The following CTNNA3 variants were observed in gnomAD, a reference collection of about 807,000 sequenced individuals.
CTNNA3 encodes the protein catenin alpha 3.
Under a neutral mutation model 95.7 loss-of-function variants are expected in CTNNA3, and 76 were observed. The observed-to-expected ratio is 0.79, with a 90% CI of 0.66 to 0.96. The LOEUF (loss-of-function observed/expected upper bound fraction) is 0.96, where lower values mean the gene tolerates loss of function less well. Ranked by LOEUF, CTNNA3 falls within the 40% of genes least tolerant of loss-of-function variation. The pLI, the probability that CTNNA3 is intolerant of heterozygous loss-of-function variation, is 0.00. For synonymous variants in CTNNA3, 431 were observed against 374.4 expected (o/e 1.15, Z -1.74); for missense variants, 1,191 against 1,089.8 (o/e 1.09, Z -1.31).
At chr10:66,247,638 T>A (rs1347970938) in intron 13 of CTNNA3, among the ~76,000 whole-genome samples, 2 of 152,152 alleles carry the variant, frequency 1.3e-5, no homozygotes, top group African/African-American at 4.8e-5. Context: ...CTACATTACA[T>A]CTGGCAGCAG....
intron 10 of CTNNA3, among the ~76,000 whole-genome samples, chr10:66,525,838 C>A (rs1841237900): frequency 6.6e-6 from 1 of 152,074 alleles, no homozygotes; most frequent in Non-Finnish European, 1.5e-5. Context: ...CTAGTAAGCT[C>A]TATTATACTT....
At chr10:66,869,874 T>C (rs985975180) in intron 7 of CTNNA3, among the ~76,000 whole-genome samples, 1 of 152,196 alleles carries the variant, frequency 6.6e-6, no homozygotes, top group East Asian at 1.9e-4. Flanking sequence ...TCAGGAACCA[T>C]GTACCACACA....
At chr10:67,648,367 A>C (rs912053225) in intron 1 of CTNNA3, among the ~76,000 whole-genome samples, 24 of 152,212 alleles carry the variant, frequency 1.6e-4, no homozygotes, top group Admixed American at 6.6e-4. Flanking sequence ...AGAATTTTAG[A>C]TGAAACCCAC....
At chr10:67,526,444 T>A (rs1284728792) in intron 4 of CTNNA3, among the ~76,000 whole-genome samples, 3 of 151,824 alleles carry the variant, frequency 2.0e-5, no homozygotes, top group Non-Finnish European at 2.9e-5. Flanking sequence ...AATAGTTCTA[T>A]GTAGGTGAAG....
rs964056003 is a variant in CTNNA3, at chr10:65,920,161, T to C, written c.*169A>G. On this transcript the variant is annotated 3_prime_UTR_variant, in exon 18 of 18. Transcript: ENST00000433211. Reference sequence around the variant, plus strand: ...GCTGACCATACAGAAATGACAGTGATATGATCCCAAATATATATTGCTTTT... The same window carrying C: ...GCTGACCATACAGAAATGACAGTGACATGATCCCAAATATATATTGCTTTT... 3.3e-6 allele frequency: 2 copies of C among 613,700 alleles called. No individual in the cohort carries two copies. The highest frequency in any genetic ancestry group is 5.7e-6 in the Non-Finnish European group (2 of 349,044). 38.0% of individuals were successfully genotyped at this position (613,700 alleles called of 1,614,324 possible).
chr10:66,965,331 T>C (rs1301214799), intron 7 of CTNNA3, among the ~76,000 whole-genome samples: 1 of 151,998 alleles, frequency 6.6e-6, no homozygotes, highest in Non-Finnish European at 1.5e-5. Context: ...GGTCAAGAGA[T>C]CCAGACGATC....
intron 7 of CTNNA3, among the ~76,000 whole-genome samples, chr10:66,992,901 C>A (rs988339525): frequency 2.0e-5 from 3 of 152,026 alleles, no homozygotes; most frequent in Non-Finnish European, 4.4e-5. Flanking sequence ...TCAATTTGAC[C>A]ATTTTTGTAT....
At chr10:67,076,865 G>A (rs764142349) in intron 7 of CTNNA3, among the ~76,000 whole-genome samples, 22 of 152,004 alleles carry the variant, frequency 1.4e-4, no homozygotes, top group Non-Finnish European at 3.1e-4. Flanking sequence ...AATTCCTCTG[G>A]CCCAAACCTC....
chr10:66,401,956 G>A (rs910346543), intron 11 of CTNNA3, among the ~76,000 whole-genome samples: 3 of 151,870 alleles, frequency 2.0e-5, no homozygotes, highest in South Asian at 2.1e-4. Flanking sequence ...CACCATACCC[G>A]GCCTCTTTTA....
At chr10:67,108,948 A>T (rs572681700) in intron 7 of CTNNA3, among the ~76,000 whole-genome samples, 1 of 152,324 alleles carries the variant, frequency 6.6e-6, no homozygotes, top group South Asian at 2.1e-4. Context: ...TAAATAAAAA[A>T]TATGCAATTT....
intron 7 of CTNNA3, among the ~76,000 whole-genome samples, chr10:66,848,763 A>G (rs897509829): frequency 6.6e-6 from 1 of 152,192 alleles, no homozygotes; most frequent in Non-Finnish European, 1.5e-5. Context: ...AACACCTTGG[A>G]CACCAAATAG....
chr10:67,248,539 C>T lies in CTNNA3; in HGVS notation c.580-28669G>A, dbSNP rs146974806. The stretch of plus-strand genomic sequence containing the variant: ...CAGGTGATTCTCCCACCTCAGCCCC[C>T]CAAAGAGCTGGGACTACAGGCATAC... On this transcript the variant is annotated intron_variant, in intron 5 of 17. Transcript: ENST00000433211. Among the ~76,000 whole-genome samples, 790 of 152,178 alleles carry T rather than the reference C, an allele frequency of 5.2e-3. 4 individuals carry two copies. Among genetic ancestry groups the T allele is most frequent in the Middle Eastern group, 0.027 (8 of 294 alleles).
At chr10:66,334,397 T>C (rs1269133644) in intron 12 of CTNNA3, among the ~76,000 whole-genome samples, 1 of 151,870 alleles carries the variant, frequency 6.6e-6, no homozygotes, top group Non-Finnish European at 1.5e-5. Flanking sequence ...AGTGCTTCCT[T>C]CAGGAGCTCT....
intron 10 of CTNNA3, among the ~76,000 whole-genome samples, chr10:66,605,539 ATG>A (rs1275939184): frequency 6.6e-6 from 1 of 152,176 alleles, no homozygotes; most frequent in Non-Finnish European, 1.5e-5. Context: ...GAAAGAAAAA[ATG>A]TTAAAGCTGC....
intron 12 of CTNNA3, among the ~76,000 whole-genome samples, chr10:66,311,746 A>G (rs191929368): frequency 8.1e-4 from 123 of 152,352 alleles, no homozygotes; most frequent in Non-Finnish European, 1.7e-3. Flanking sequence ...TCCTATATGC[A>G]TAGAACTCTT....
intron 12 of CTNNA3, among the ~76,000 whole-genome samples, chr10:66,355,451 A>T (rs1248597078): frequency 1.3e-5 from 2 of 152,064 alleles, no homozygotes; most frequent in African/African-American, 2.4e-5. Flanking sequence ...TCCACGAATG[A>T]CGCTTCCCTC....
intron 7 of CTNNA3, among the ~76,000 whole-genome samples, chr10:67,148,245 A>G (rs1303056427): frequency 1.3e-5 from 2 of 152,248 alleles, no homozygotes; most frequent in African/African-American, 4.8e-5. Flanking sequence ...CTCATTGCAT[A>G]CAGCCATCCT....
chr10:66,166,983 G>T (rs1277416839), intron 13 of CTNNA3, among the ~76,000 whole-genome samples: 2 of 152,142 alleles, frequency 1.3e-5, no homozygotes, highest in Non-Finnish European at 2.9e-5. Context: ...GAAGAAAAAG[G>T]TGATGTCACT....
At chr10:67,395,346 G>A (rs1169071765) in intron 5 of CTNNA3, among the ~76,000 whole-genome samples, 1 of 152,144 alleles carries the variant, frequency 6.6e-6, no homozygotes, top group Non-Finnish European at 1.5e-5. Flanking sequence ...GGACACCACA[G>A]GAAGGAGCCA....
Sources: gnomAD v4.1 joint callset for allele counts (sites outside exome capture counted in the v4.1 genomes callset) on GRCh38, gnomAD v4.1.1 for gene constraint, MANE v1.5 for transcripts, NCBI Gene and HGNC (gene_info 2026-07-23, HGNC 2026-07-21) for gene names.